RHPN1: variants seen among roughly 807,000 people sequenced by gnomAD.
RHPN1 encodes the protein rhophilin-1.
RHPN1 carries 77 observed loss-of-function variants against 74.7 expected under a neutral mutation model. The ratio of observed to expected loss-of-function variants is 1.03; its 90% CI spans 0.86 to 1.25. The LOEUF is 1.25. Among genes scored for constraint, RHPN1 ranks in the 50% most tolerant of loss-of-function variants. The pLI is 0.00. For missense variants in RHPN1, 987 were observed against 932.2 expected (o/e 1.06, Z -0.77); for synonymous variants, 444 against 414.5 (o/e 1.07, Z -0.87).
At position 143,380,594 on chromosome 8, in the gene RHPN1, G is replaced by A; in HGVS notation, c.1222G>A (p.Ala408Thr). The change falls in exon 11 of 15, where the codon GCA becomes ACA. Residue 408 changes from alanine to threonine, a missense_variant. Coordinates refer to ENST00000289013, the MANE Select transcript of RHPN1 (RefSeq NM_052924.3). Reference protein sequence around the residue: ...ELEERRQLGKAHLKRAILGQE... With the variant: ...ELEERRQLGKTHLKRAILGQE... ...TCCCAGTGCCCCGCGTGCAGGCAAGGCACACCTGAAGCGTGCCATCCTGGG... is the reference window on the plus strand; with the variant it reads ...TCCCAGTGCCCCGCGTGCAGGCAAGACACACCTGAAGCGTGCCATCCTGGG... The A allele has an allele frequency of 6.6e-7, 1 of 1,511,718 alleles. No individual in the cohort carries two copies. The highest frequency in any genetic ancestry group is 8.9e-7 in the Non-Finnish European group (1 of 1,126,104). The allele number at this position is 1,511,718 out of a possible 1,614,324, so 93.6% of individuals were successfully genotyped here.
rs1396552182 is a variant in RHPN1 at position 143,380,674 on chromosome 8, C to T, written c.1302C>T (p.Asp434=). ...HALCRVLREV[D]LLRAVISQTL... ...TGTGCCGCGTCCTGCGCGAGGTGGACCTGCTTCGGGCTGTGATCTCCCAGA... is the reference window on the plus strand; with the variant it reads ...TGTGCCGCGTCCTGCGCGAGGTGGATCTGCTTCGGGCTGTGATCTCCCAGA... Residue 434 remains aspartate (D), a synonymous_variant, in exon 11 of 15, where the codon GAC becomes GAT. Coordinates refer to ENST00000289013, the MANE Select transcript of RHPN1 (RefSeq NM_052924.3). The T allele has an allele frequency of 1.9e-6, 3 of 1,577,736 alleles. No homozygotes were observed. In the African/African-American group the frequency reaches 4.0e-5, roughly 21 times the overall value.
chr8:143,380,057 C>G lies in RHPN1; in HGVS notation c.1103-5C>G, dbSNP rs1162483734. The G allele has an allele frequency of 6.5e-6, 10 of 1,545,058 alleles. No homozygotes were observed. The highest frequency in any genetic ancestry group is 1.7e-6 in the Non-Finnish European group (2 of 1,144,634). ...CGCAGGGCTCACAGCCTCTCTGTCC[C>G]CCAGCAGCGACCGAGGGAGAGCTCC... is the stretch of plus-strand genomic sequence containing the variant. On this transcript the variant is annotated splice_polypyrimidine_tract_variant and splice_region_variant and intron_variant, in intron 9 of 14. Coordinates refer to ENST00000289013, the MANE Select transcript of RHPN1 (RefSeq NM_052924.3).
At chr8:143,377,144 G>A (rs1179723242) in intron 3 of RHPN1, among the ~76,000 whole-genome samples, 1 of 151,970 alleles carries the variant, frequency 6.6e-6, no homozygotes, top group Non-Finnish European at 1.5e-5. Flanking sequence ...ATGTGTTTGT[G>A]TGTGTGTGTG....
chr8:143,369,234 C>T (rs553896778), intron 1 of RHPN1, among the ~76,000 whole-genome samples, 187 bp downstream of exon 1: 14 of 152,308 alleles, frequency 9.2e-5, no homozygotes, highest in Non-Finnish European at 1.6e-4. Context: ...CCAGGCCACT[C>T]ATGTGAGCCG....
chr8:143,375,719 G>T (rs1818171097), intron 2 of RHPN1, 51 bp downstream of exon 2: 1 of 1,430,440 alleles, frequency 7.0e-7, no homozygotes, highest in Non-Finnish European at 9.6e-7. Context: ...CCTGGGTGAG[G>T]GGGGCAGGAC....
chr8:143,369,809 C>T (rs750267308), intron 1 of RHPN1, among the ~76,000 whole-genome samples: 16 of 152,232 alleles, frequency 1.1e-4, no homozygotes, highest in Non-Finnish European at 1.8e-4. Flanking sequence ...CCTTTGATAG[C>T]GCGCGGCCCT....
intron 2 of RHPN1, 24 bp downstream of exon 2, chr8:143,375,692 C>G: frequency 1.3e-6 from 2 of 1,563,516 alleles, no homozygotes; most frequent in African/African-American, 1.4e-5. Flanking sequence ...ACTGCCCGGC[C>G]CCGGGAGCAG....
In RHPN1 at chr8:143,376,858, C is replaced by G. The variant is rs373955147; in HGVS notation, c.305+205C>G. Among the ~76,000 whole-genome samples, 5,406 of 22,214 alleles carry G rather than the reference C, an allele frequency of 0.24. 290 individuals carry two copies. Among genetic ancestry groups the G allele is most frequent in the African/African-American group, 0.43 (5,073 of 11,760 alleles). The allele number at this position is 22,214 out of a possible 152,430, so 14.6% of individuals were successfully genotyped here. On this transcript the variant is annotated intron_variant, in intron 3 of 14. Transcript: ENST00000289013. ...TGCATCTCTGTGTGTGTGCGTGTGTCTCTGTGTGTATATGTGTGTGCATGT... is the reference window on the plus strand; with the variant it reads ...TGCATCTCTGTGTGTGTGCGTGTGTGTCTGTGTGTATATGTGTGTGCATGT...
At chr8:143,379,661 C>T in intron 8 of RHPN1, 153 bp downstream of exon 8, 1 of 985,420 alleles carries the variant, frequency 1.0e-6, no homozygotes, top group Non-Finnish European at 1.2e-6. Flanking sequence ...TGGTCAGGAA[C>T]CTGGGGACCC....
chr8:143,367,066 G>T (rs1025423643), upstream of RHPN1: 1 of 152,302 alleles, frequency 6.6e-6, no homozygotes, highest in African/African-American at 2.4e-5. Context: ...GAAGGGGGTG[G>T]GTGAAGGTCT....
intron 4 of RHPN1, among the ~76,000 whole-genome samples, 195 bp from the exon 5 acceptor site, chr8:143,378,074 T>C (rs1818405355): frequency 1.3e-5 from 2 of 152,194 alleles, no homozygotes; most frequent in African/African-American, 4.8e-5. Flanking sequence ...GGCCCCTCCA[T>C]ACACATTGGC....
At chr8:143,377,151 TG>T (rs1818332942) in intron 3 of RHPN1, among the ~76,000 whole-genome samples, 1 of 152,182 alleles carries the variant, frequency 6.6e-6, no homozygotes, top group Non-Finnish European at 1.5e-5. Context: ...TGTGTGTGTG[TG>T]TGCGCGCGCA....
At position 143,379,958 on chromosome 8, in the gene RHPN1, G is replaced by A. The variant is rs554965312; in HGVS notation, c.1075G>A (p.Val359Ile). 52 of 1,575,210 alleles carry A rather than the reference G, an allele frequency of 3.3e-5. No homozygotes were observed. The highest frequency in any genetic ancestry group is 1.1e-4 in the Admixed American group (6 of 53,808). Reference protein sequence around the residue: ...EYFRSLAHYHVAMALCDGSPA... With the variant: ...EYFRSLAHYHIAMALCDGSPA... The stretch of plus-strand genomic sequence containing the variant: ...CTTCCGCTCCCTGGCCCACTACCAC[G>A]TAGCCATGGCCCTCTGCGACGGCTC... Residue 359 changes from valine to isoleucine, a missense_variant, in exon 9 of 15, where the codon GTA becomes ATA. Val to Ile is a conservative substitution (Grantham distance 29). Coordinates refer to ENST00000289013, the MANE Select transcript of RHPN1 (RefSeq NM_052924.3).
At chr8:143,375,902 G>T (rs925681306) in intron 2 of RHPN1, among the ~76,000 whole-genome samples, 3 of 152,254 alleles carry the variant, frequency 2.0e-5, no homozygotes, top group South Asian at 4.1e-4. Context: ...TCCCTGCCGG[G>T]TGTGCAGCTT....
intron 14 of RHPN1, 68 bp from the exon 15 acceptor site, chr8:143,382,368 C>T (rs1818800323): frequency 1.4e-6 from 2 of 1,420,460 alleles, no homozygotes; most frequent in Admixed American, 2.0e-5. Flanking sequence ...CTCACCCCTC[C>T]CAGACTGGCT....
Position 143,375,552 on chromosome 8 carries a change from G to A in RHPN1, c.61-1G>A. The A allele has an allele frequency of 6.3e-7, 1 of 1,587,426 alleles. No homozygotes were observed. Among genetic ancestry groups the A allele is most frequent in the Non-Finnish European group, 8.5e-7 (1 of 1,170,452 alleles). On this transcript the variant is annotated splice_acceptor_variant, in intron 1 of 14. Coordinates refer to ENST00000289013, the MANE Select transcript of RHPN1 (RefSeq NM_052924.3). LOFTEE classifies it high-confidence loss of function. ...TGTGATCGCCTGTGGCCTCCCTGCA[G>A]GGCTGTGACTCCCTGACGCAGATCC...
Position 143,376,795 on chromosome 8 carries a change from T to C in RHPN1, c.305+142T>C. The C allele has an allele frequency of 5.0e-6, 5 of 991,558 alleles. 1 individual carries two copies. The highest frequency in any genetic ancestry group is 3.3e-5 in the African/African-American group (2 of 61,204). 61.4% of individuals were successfully genotyped at this position (991,558 alleles called of 1,614,324 possible). Reference sequence around the variant, plus strand: ...GTGTGCGTGTGTGCATGTGTGTGCATGCATGTCTGTGCGCGTGTGTCTGTG... The same window carrying C: ...GTGTGCGTGTGTGCATGTGTGTGCACGCATGTCTGTGCGCGTGTGTCTGTG... On this transcript the variant is annotated intron_variant, in intron 3 of 14. Coordinates refer to ENST00000289013, the MANE Select transcript of RHPN1 (RefSeq NM_052924.3).
intron 1 of RHPN1, 30 bp downstream of exon 1, chr8:143,369,077 AG>A: frequency 1.4e-6 from 2 of 1,449,198 alleles, no homozygotes; most frequent in Non-Finnish European, 1.8e-6. Flanking sequence ...CGGCGGGAGG[AG>A]GGGCCCGGAA....
intron 1 of RHPN1, 109 bp downstream of exon 1, chr8:143,369,156 C>A: frequency 1.2e-6 from 1 of 808,384 alleles, no homozygotes; most frequent in Non-Finnish European, 1.8e-6. Flanking sequence ...TCATTCGGCC[C>A]GGACGCAGGC....
Sources: allele counts gnomAD v4.1 joint callset (sites outside exome capture counted in the v4.1 genomes callset), GRCh38; gene constraint gnomAD v4.1.1; transcripts MANE v1.5; gene names NCBI Gene and HGNC (gene_info 2026-07-23, HGNC 2026-07-21).